Variants in ANK2 observed in about 807,000 individuals in gnomAD.
The protein encoded by ANK2 is ankyrin-2.
ANK2 carries 83 observed loss-of-function variants against 360.5 expected under a neutral mutation model. The ratio of observed to expected loss-of-function variants is 0.23; its 90% CI spans 0.19 to 0.28. The LOEUF is 0.28. Among genes scored for constraint, ANK2 ranks in the 10% least tolerant of loss-of-function variants. The pLI is 1.00. For synonymous variants in ANK2, 1,740 were observed against 1,759.5 expected (o/e 0.99, Z 0.28); for missense variants, 4,201 against 4,795.7 (o/e 0.88, Z 3.66).
intron 2 of ANK2, among the ~76,000 whole-genome samples, chr4:113,011,534 A>G (rs1200153363): frequency 6.6e-6 from 1 of 152,120 alleles, no homozygotes; most frequent in Non-Finnish European, 1.5e-5. Context: ...AAATGTGACA[A>G]GACAAAAGAG....
intron 1 of ANK2, among the ~76,000 whole-genome samples, chr4:113,076,586 G>A (rs1295512153): frequency 5.9e-5 from 9 of 152,100 alleles, no homozygotes; most frequent in East Asian, 5.8e-4. Flanking sequence ...ACTTGAGCCC[G>A]GGAGTTCAAG....
the ANK2 span, among the ~76,000 whole-genome samples, chr4:112,786,643 G>A: frequency 6.6e-6 from 1 of 151,832 alleles, no homozygotes; most frequent in Non-Finnish European, 1.5e-5. Context: ...GCCCACCTCA[G>A]CCTCCTGAAG....
chr4:113,278,656 G>T (rs777622758), intron 17 of ANK2, 98 bp downstream of exon 17: 3 of 1,205,692 alleles, frequency 2.5e-6, no homozygotes, highest in Non-Finnish European at 3.6e-6. Flanking sequence ...GTATAACTGC[G>T]ACTAGTCCTA....
intron 32 of ANK2, 135 bp downstream of exon 32, chr4:113,339,457 T>G (rs2093993523): frequency 1.3e-6 from 1 of 750,994 alleles, no homozygotes; most frequent in Non-Finnish European, 2.3e-6. Context: ...GCCTTTGCTT[T>G]TATATTTTAA....
intron 29 of ANK2, among the ~76,000 whole-genome samples, chr4:113,335,254 A>C (rs2093352909): frequency 6.6e-6 from 1 of 152,178 alleles, no homozygotes; most frequent in Admixed American, 6.5e-5. Flanking sequence ...GAAACCCTGA[A>C]TTCCTAATCA....
At chr4:112,794,257 G>T in the ANK2 span, among the ~76,000 whole-genome samples, 3 of 152,164 alleles carry the variant, frequency 2.0e-5, no homozygotes, top group Non-Finnish European at 4.4e-5. Context: ...TAACTTGGAT[G>T]TCTTATAAAA....
At chr4:112,775,546 A>ACACACACACACACACAC in the ANK2 span, among the ~76,000 whole-genome samples, 367 of 8,760 alleles carry the variant, frequency 0.042, 2 homozygotes, top group African/African-American at 0.072. Flanking sequence ...CACACACACA[A>ACACACACACACACACAC]GAAAAAAAAT....
intron 2 of ANK2, among the ~76,000 whole-genome samples, chr4:113,177,107 G>A (rs879634425): frequency 1.4e-4 from 22 of 152,064 alleles, no homozygotes; most frequent in African/African-American, 2.2e-4. Context: ...TACTTTTCAC[G>A]TAAACTTAGG....
At chr4:112,977,849 A>G (rs1291412809) in intron 2 of ANK2, among the ~76,000 whole-genome samples, 5 of 151,974 alleles carry the variant, frequency 3.3e-5, no homozygotes, top group African/African-American at 7.3e-5. Context: ...TTCTGTTCCT[A>G]TGTTAGTTTG....
At chr4:113,292,684 C>T (rs1351864056) in intron 21 of ANK2, among the ~76,000 whole-genome samples, 170 bp downstream of exon 21, 1 of 152,188 alleles carries the variant, frequency 6.6e-6, no homozygotes, top group African/African-American at 2.4e-5. Context: ...AGTGTGACTT[C>T]CCCAGAAGTG....
At chr4:112,851,446 A>G (rs999207834) in intron 1 of ANK2, among the ~76,000 whole-genome samples, 2 of 152,014 alleles carry the variant, frequency 1.3e-5, no homozygotes, top group Admixed American at 6.5e-5. Context: ...CATTTCTCCC[A>G]TACCTTCTGT....
intron 26 of ANK2, among the ~76,000 whole-genome samples, chr4:113,329,305 TC>T (rs1191365903): frequency 6.6e-6 from 1 of 152,176 alleles, no homozygotes; most frequent in East Asian, 1.9e-4. Context: ...GGAAACAACT[TC>T]AAAGTTAAGA....
intron 1 of ANK2, among the ~76,000 whole-genome samples, chr4:113,161,846 T>A (rs2097547754): frequency 6.6e-6 from 1 of 152,252 alleles, no homozygotes; most frequent in Non-Finnish European, 1.5e-5. Context: ...AAGAGGCCCT[T>A]CCTTATTCCT....
the ANK2 span, among the ~76,000 whole-genome samples, chr4:112,799,975 A>G: frequency 6.6e-6 from 1 of 152,094 alleles, no homozygotes; most frequent in Admixed American, 6.5e-5. Flanking sequence ...GAAAGAATGA[A>G]CAAGAATCCA....
intron 4 of ANK2, among the ~76,000 whole-genome samples, chr4:113,207,377 T>C (rs2098964500): frequency 6.6e-6 from 1 of 152,184 alleles, no homozygotes; most frequent in Non-Finnish European, 1.5e-5. Flanking sequence ...CCAAGTCCAA[T>C]GTTATTGCAT....
chr4:112,910,709 A>T (rs2086843055), intron 2 of ANK2, among the ~76,000 whole-genome samples: 1 of 152,226 alleles, frequency 6.6e-6, no homozygotes, highest in Non-Finnish European at 1.5e-5. Context: ...CATCAGGCAA[A>T]CATAGAGACT....
Position 113,278,602 on chromosome 4 carries a change from T to C in ANK2, c.1881+44T>C, listed in dbSNP as rs780144366. ...GATTTACAGGCATAGGGTGTAACTA[T>C]CGCCTGAAAACACATGAGAATTGTC... On this transcript the variant is annotated intron_variant, in intron 17 of 45. Transcript: ENST00000357077. 7.0e-6 allele frequency: 11 copies of C among 1,567,944 alleles called. No individual in the cohort carries two copies. The African/African-American group carries it at 1.1e-4, about 15-fold the overall frequency.
chr4:113,302,166 G>A (rs1350290786), intron 22 of ANK2, among the ~76,000 whole-genome samples: 1 of 152,132 alleles, frequency 6.6e-6, no homozygotes, highest in Non-Finnish European at 1.5e-5. Flanking sequence ...ACCTTACACT[G>A]TACATGAGGA....
At chr4:112,955,846 A>C (rs1046973480) in intron 2 of ANK2, among the ~76,000 whole-genome samples, 1 of 152,316 alleles carries the variant, frequency 6.6e-6, no homozygotes, top group South Asian at 2.1e-4. Context: ...TGTTTTCTAA[A>C]CAAATTTTCT....
Sources: allele counts gnomAD v4.1 joint callset (sites outside exome capture counted in the v4.1 genomes callset), GRCh38; gene constraint gnomAD v4.1.1; transcripts MANE v1.5; gene names NCBI Gene and HGNC (gene_info 2026-07-23, HGNC 2026-07-21).